HYCC1: variants seen among roughly 807,000 people sequenced by gnomAD.
HYCC1 encodes the protein hyccin PI4KA lipid kinase complex subunit 1.
the HYCC1 span, chr7:22,977,197 G>A: frequency 6.1e-6 from 4 of 652,922 alleles, no homozygotes; most frequent in Admixed American, 7.6e-5. Flanking sequence ...ATCTCAATTT[G>A]GAAATAGTAA....
chr7:22,907,642 GC>G, the HYCC1 span, among the ~76,000 whole-genome samples: 1 of 152,142 alleles, frequency 6.6e-6, no homozygotes, highest in African/African-American at 2.4e-5. Flanking sequence ...GGGTGCGGGG[GC>G]CCACCCCTGT....
chr7:22,966,076 T>C, the HYCC1 span, among the ~76,000 whole-genome samples: 1 of 152,128 alleles, frequency 6.6e-6, no homozygotes, highest in Admixed American at 6.5e-5. Context: ...AAAATCTATT[T>C]AAATGACAGG....
the HYCC1 span, among the ~76,000 whole-genome samples, chr7:22,901,400 C>G: frequency 6.8e-3 from 1,028 of 151,800 alleles, 13 homozygotes; most frequent in Non-Finnish European, 0.011. Context: ...TCAATAATTA[C>G]ATTAAATGTA....
At chr7:22,909,285 C>T in the HYCC1 span, among the ~76,000 whole-genome samples, 3 of 152,254 alleles carry the variant, frequency 2.0e-5, no homozygotes, top group South Asian at 6.2e-4. Flanking sequence ...TCCCCACCAC[C>T]TCTTGTTCCT....
chr7:22,959,611 A>C, the HYCC1 span, among the ~76,000 whole-genome samples: 4 of 152,172 alleles, frequency 2.6e-5, no homozygotes, highest in African/African-American at 9.6e-5. Flanking sequence ...ATATGAAATT[A>C]AATAAAGAAC....
the HYCC1 span, among the ~76,000 whole-genome samples, chr7:22,947,448 GACAA>G: frequency 6.6e-6 from 1 of 151,918 alleles, no homozygotes; most frequent in Non-Finnish European, 1.5e-5. Context: ...AATTTTAAAT[GACAA>G]ACAAAAAATT....
the HYCC1 span, among the ~76,000 whole-genome samples, chr7:22,904,375 G>A: frequency 6.6e-6 from 1 of 150,810 alleles, no homozygotes; most frequent in African/African-American, 2.4e-5. Flanking sequence ...AGCTTGTAGT[G>A]AGCTGAGATC....
chr7:22,898,604 C>CTTTTCT, the HYCC1 span, among the ~76,000 whole-genome samples: 294 of 39,814 alleles, frequency 7.4e-3, 4 homozygotes, highest in African/African-American at 0.021. Flanking sequence ...CTTTTCTTTT[C>CTTTTCT]TTTTTTTTTT....
the HYCC1 span, among the ~76,000 whole-genome samples, chr7:22,952,909 T>A: frequency 9.4e-4 from 143 of 152,036 alleles, no homozygotes; most frequent in African/African-American, 3.1e-3. Context: ...CAGTAAGTAG[T>A]CTTTCTAGGT....
At chr7:22,915,805 C>T in the HYCC1 span, among the ~76,000 whole-genome samples, 2 of 152,176 alleles carry the variant, frequency 1.3e-5, no homozygotes, top group African/African-American at 4.8e-5. Flanking sequence ...CTGGTGCCAA[C>T]TTGGACAACA....
At chr7:22,976,150 C>A in the HYCC1 span, 13 of 1,028,348 alleles carry the variant, frequency 1.3e-5, no homozygotes, top group Non-Finnish European at 2.0e-5. Context: ...AGGTATGTAC[C>A]AGACTAGCAA....
the HYCC1 span, among the ~76,000 whole-genome samples, chr7:22,903,034 A>G: frequency 6.6e-6 from 1 of 152,172 alleles, no homozygotes; most frequent in East Asian, 1.9e-4. Context: ...CCTCACACAT[A>G]CTAGAATAGC....
At chr7:22,993,620 C>T in the HYCC1 span, among the ~76,000 whole-genome samples, 1 of 152,022 alleles carries the variant, frequency 6.6e-6, no homozygotes, top group Non-Finnish European at 1.5e-5. Context: ...GCACATGAAA[C>T]GTGCTCAACT....
chr7:22,946,203 T>C, the HYCC1 span: 13 of 1,535,822 alleles, frequency 8.5e-6, no homozygotes, highest in African/African-American at 1.4e-5. Flanking sequence ...ACATTAAGTA[T>C]TTTAAGCAAT....
chr7:22,968,080 A>G, the HYCC1 span, among the ~76,000 whole-genome samples: 4,443 of 152,272 alleles, frequency 0.029, 212 homozygotes, highest in African/African-American at 0.1. Context: ...TCTATTTGTA[A>G]TAATACATAC....
chr7:22,958,195 A>T, the HYCC1 span, among the ~76,000 whole-genome samples: 1 of 152,080 alleles, frequency 6.6e-6, no homozygotes, highest in African/African-American at 2.4e-5. Context: ...AAACCTTTCA[A>T]ATTCAGCCGA....
chr7:22,923,033 A>G, the HYCC1 span, among the ~76,000 whole-genome samples: 1 of 152,198 alleles, frequency 6.6e-6, no homozygotes, highest in African/African-American at 2.4e-5. Flanking sequence ...AAGAAAACCA[A>G]AGACTTAAAG....
the HYCC1 span, chr7:22,983,745 G>C: frequency 3.6e-6 from 2 of 549,046 alleles, no homozygotes; most frequent in South Asian, 4.5e-5. Context: ...GAGAAAAAGA[G>C]AGAAAATGTT....
chr7:23,011,427 C>T, the HYCC1 span, among the ~76,000 whole-genome samples: 1 of 152,112 alleles, frequency 6.6e-6, no homozygotes, highest in African/African-American at 2.4e-5. Flanking sequence ...TTTTGTGTTC[C>T]TCATTTCCAT....
Sources: gnomAD v4.1 joint callset for allele counts (sites outside exome capture counted in the v4.1 genomes callset) on GRCh38, gnomAD v4.1.1 for gene constraint, MANE v1.5 for transcripts, NCBI Gene and HGNC (gene_info 2026-07-23, HGNC 2026-07-21) for gene names.